The following WDR44 variants were observed in gnomAD, a reference collection of about 807,000 sequenced individuals.
The protein encoded by WDR44 is WD repeat-containing protein 44.
Under a neutral mutation model 65.7 loss-of-function variants are expected in WDR44, and 9 were observed. That is an observed-to-expected ratio of 0.14 (90% CI 0.08 to 0.24). The LOEUF (loss-of-function observed/expected upper bound fraction) is 0.24. Ranked by LOEUF, WDR44 falls within the 10% of genes least tolerant of loss-of-function variation. The pLI, the probability that WDR44 is intolerant of heterozygous loss-of-function variation, is 1.00. For missense variants in WDR44, 425 were observed against 670.9 expected (o/e 0.63, Z 4.05); for synonymous variants, 220 against 235.2 (o/e 0.94, Z 0.59).
chrX:118,383,345 G>T (rs2056735294), intron 2 of WDR44, among the ~76,000 whole-genome samples: 2 of 110,075 alleles, frequency 1.8e-5, no homozygotes, highest in Admixed American at 1.9e-4. Flanking sequence ...CAAGTGCAGT[G>T]ACTCACGCCT....
intron 14 of WDR44, 151 bp downstream of exon 14, chrX:118,436,975 A>G (rs1320412605): frequency 4.1e-5 from 21 of 507,096 alleles, no homozygotes; most frequent in South Asian, 8.6e-5. Context: ...TGCTTTAGAA[A>G]TGAGAAAGGA....
chrX:118,439,219 T>TG (rs1033273952), intron 14 of WDR44, among the ~76,000 whole-genome samples: 3 of 109,952 alleles, frequency 2.7e-5, no homozygotes, highest in Non-Finnish European at 5.7e-5. Context: ...TGCCTTTTTT[T>TG]GGGGGGGAAA....
intron 19 of WDR44, among the ~76,000 whole-genome samples, chrX:118,447,875 A>AATATATATATATATATAT (rs10570740): frequency 5.1e-4 from 28 of 54,765 alleles, no homozygotes; most frequent in African/African-American, 1.3e-3. Context: ...CTCTATCTAA[A>AATATATATATATATATAT]ATATATATAT....
intron 6 of WDR44, 83 bp from the exon 7 acceptor site, chrX:118,396,887 A>C (rs901437592): frequency 5.7e-6 from 6 of 1,049,738 alleles, no homozygotes; most frequent in Non-Finnish European, 7.5e-6. Flanking sequence ...CTTTAGCTTA[A>C]ATTTTAGGGG....
At chrX:118,356,362 C>T (rs1194904542) in intron 1 of WDR44, among the ~76,000 whole-genome samples, 1 of 104,369 alleles carries the variant, frequency 9.6e-6, no homozygotes, top group Non-Finnish European at 1.9e-5. Context: ...GTTTCAGTGC[C>T]GTGTCAAAAA....
intron 9 of WDR44, among the ~76,000 whole-genome samples, chrX:118,406,244 A>G (rs1602934740): frequency 9.0e-6 from 1 of 111,225 alleles, no homozygotes; most frequent in Non-Finnish European, 1.9e-5. Context: ...AGGTCCTGCC[A>G]TGGATACTGG....
At chrX:118,414,826 G>A (rs1432039716) in intron 12 of WDR44, among the ~76,000 whole-genome samples, 1 of 111,578 alleles carries the variant, frequency 9.0e-6, no homozygotes, top group Non-Finnish European at 1.9e-5. Flanking sequence ...TCAGCAAACA[G>A]TGACAGTTTG....
intron 1 of WDR44, among the ~76,000 whole-genome samples, chrX:118,371,659 T>G (rs1314535906): frequency 9.0e-6 from 1 of 111,548 alleles, no homozygotes; most frequent in Admixed American, 9.6e-5. Context: ...AAATAAATAT[T>G]TATTGATCAG....
At position 118,407,760 on chromosome X, in the gene WDR44, A is replaced by G. The variant is rs146762942; in HGVS notation, c.1533+734A>G. Among the ~76,000 whole-genome samples the G allele has an allele frequency of 7.1e-3, 799 of 112,274 alleles. 7 individuals are homozygous for G. Among genetic ancestry groups the G allele is most frequent in the African/African-American group, 0.025 (764 of 30,982 alleles). On this transcript the variant is annotated intron_variant, in intron 10 of 19. Transcript: ENST00000254029. ...AGTTCAAGTTCTCCTTTAGAGTTCA[A>G]ATGTACCAATGTAGATGCAATTGCA...
chrX:118,404,496 C>T, intron 9 of WDR44, 52 bp downstream of exon 9: 1 of 948,274 alleles, frequency 1.1e-6, no homozygotes. Flanking sequence ...TTGTAATCGT[C>T]TAAATTTAGC....
At chrX:118,411,837 C>G (rs2057015539) in intron 12 of WDR44, among the ~76,000 whole-genome samples, 1 of 112,301 alleles carries the variant, frequency 8.9e-6, no homozygotes, top group African/African-American at 3.2e-5. Flanking sequence ...TATATAGGAT[C>G]TCTTTATCTA....
intron 1 of WDR44, among the ~76,000 whole-genome samples, chrX:118,361,997 T>C (rs183171454): frequency 8.9e-6 from 1 of 112,250 alleles, no homozygotes; most frequent in Non-Finnish European, 1.9e-5. Context: ...AGTTTTGCAG[T>C]AAGCCAGGCA....
rs757666170 is a variant in WDR44, at chrX:118,389,087, T to TTA, written c.186+1674_186+1675dup. Among the ~76,000 whole-genome samples the TTA allele has an allele frequency of 2.2e-3, 252 of 112,028 alleles. 2 individuals are homozygous for TTA. Among genetic ancestry groups the TTA allele is most frequent in the Non-Finnish European group, 3.6e-3 (192 of 53,221 alleles). ...ATGATTTTAAGGAGAGTTTAGAAGT[T>TTA]TAAACAGTAGTGAGAAAACACTGTG... is the stretch of plus-strand genomic sequence containing the variant. On this transcript the variant is annotated intron_variant, in intron 3 of 19. Transcript: ENST00000254029.
chrX:118,352,791 C>G (rs1057242428), intron 1 of WDR44, among the ~76,000 whole-genome samples: 2 of 110,090 alleles, frequency 1.8e-5, no homozygotes, highest in African/African-American at 6.6e-5. Context: ...ATAAAGAGAT[C>G]ATGCAGGTTG....
At chrX:118,407,176 T>A in intron 10 of WDR44, 150 bp downstream of exon 10, 1 of 556,874 alleles carries the variant, frequency 1.8e-6, no homozygotes, top group Non-Finnish European at 2.8e-6. Flanking sequence ...AATGAATAGG[T>A]AATGCAAAGT....
intron 1 of WDR44, among the ~76,000 whole-genome samples, chrX:118,362,356 G>C (rs1467245127): frequency 2.7e-5 from 3 of 111,618 alleles, no homozygotes; most frequent in African/African-American, 9.8e-5. Context: ...ATGGTTATTT[G>C]ACCTATACAG....
chrX:118,438,203 A>G (rs1025226327), intron 14 of WDR44, among the ~76,000 whole-genome samples: 1 of 110,767 alleles, frequency 9.0e-6, no homozygotes, highest in Non-Finnish European at 1.9e-5. Flanking sequence ...AACTATGTTA[A>G]TTCTTACCAG....
intron 14 of WDR44, 114 bp downstream of exon 14, chrX:118,436,938 T>G (rs919074893): frequency 2.9e-6 from 2 of 696,095 alleles, no homozygotes; most frequent in African/African-American, 2.2e-5. Context: ...TACATAGTTA[T>G]GAGCAATTTA....
At chrX:118,378,576 C>A in intron 2 of WDR44, 124 bp downstream of exon 2, 1 of 576,905 alleles carries the variant, frequency 1.7e-6, no homozygotes, top group South Asian at 3.3e-5. Flanking sequence ...GTAATGTAGT[C>A]ATTATGTCCT....
Sources: allele counts gnomAD v4.1 joint callset (sites outside exome capture counted in the v4.1 genomes callset), GRCh38; gene constraint gnomAD v4.1.1; transcripts MANE v1.5; gene names NCBI Gene and HGNC (gene_info 2026-07-23, HGNC 2026-07-21).